Variants in SPACA7 observed in about 807,000 individuals in gnomAD.
SPACA7 encodes the protein sperm acrosome-associated protein 7.
In SPACA7, 19 loss-of-function variants were observed where a neutral mutation model predicts 26.3. The ratio of observed to expected loss-of-function variants is 0.72; its 90% CI spans 0.50 to 1.06. The LOEUF is 1.06. SPACA7 is among the 50% of genes least tolerant of loss of function. The pLI, the probability that SPACA7 is intolerant of heterozygous loss-of-function variation, is 0.00. For missense variants in SPACA7, 211 were observed against 229.9 expected (o/e 0.92, Z 0.53); for synonymous variants, 84 against 84.5 (o/e 0.99, Z 0.04).
intron 5 of SPACA7, among the ~76,000 whole-genome samples, chr13:112,430,094 C>T (rs1191515582): frequency 6.6e-6 from 1 of 151,770 alleles, no homozygotes; most frequent in East Asian, 1.9e-4. Flanking sequence ...GTCCTTTTTC[C>T]ATCCTTGAGT....
chr13:112,399,267 G>A (rs558315710), intron 4 of SPACA7, 94 bp downstream of exon 4: 7 of 751,732 alleles, frequency 9.3e-6, no homozygotes, highest in African/African-American at 1.7e-5. Flanking sequence ...CTCCTTCCTG[G>A]AGGATAAACC....
chr13:112,413,486 A>T (rs1886486421), intron 5 of SPACA7, among the ~76,000 whole-genome samples: 1 of 151,166 alleles, frequency 6.6e-6, no homozygotes. Context: ...TTATTTGATT[A>T]TTTTATCTTG....
intron 5 of SPACA7, among the ~76,000 whole-genome samples, chr13:112,414,096 C>T (rs772576659): frequency 1.4e-4 from 22 of 152,124 alleles, no homozygotes; most frequent in Non-Finnish European, 2.9e-4. Context: ...AGGCACCAAG[C>T]TGTTTATGAG....
At chr13:112,395,416 G>A (rs115353072) in intron 2 of SPACA7, among the ~76,000 whole-genome samples, 3,636 of 152,248 alleles carry the variant, frequency 0.024, 136 homozygotes, top group African/African-American at 0.082. Flanking sequence ...GTCTTACTGC[G>A]GAGCAGGCCA....
At chr13:112,406,252 T>C (rs554000948) in intron 5 of SPACA7, among the ~76,000 whole-genome samples, 1 of 152,306 alleles carries the variant, frequency 6.6e-6, no homozygotes, top group East Asian at 1.9e-4. Context: ...TAACTCCCCT[T>C]TCTGCCTCCC....
chr13:112,407,391 G>C (rs181941718), intron 5 of SPACA7, among the ~76,000 whole-genome samples: 1 of 152,110 alleles, frequency 6.6e-6, no homozygotes, highest in Admixed American at 6.5e-5. Context: ...AAGAGATGGA[G>C]ACACAAAAAA....
At chr13:112,390,717 C>T (rs187825101) in intron 1 of SPACA7, among the ~76,000 whole-genome samples, 5 of 152,310 alleles carry the variant, frequency 3.3e-5, no homozygotes, top group East Asian at 3.9e-4. Flanking sequence ...TTGTAAACAA[C>T]GAAATCTCAG....
In SPACA7 at chr13:112,397,219, G is replaced by T. The variant is rs1478370056; in HGVS notation, c.152-830G>T. On this transcript the variant is annotated intron_variant, in intron 2 of 6. Coordinates refer to ENST00000283550, the MANE Select transcript of SPACA7 (RefSeq NM_145248.5). ...ATTCTGCATGAGCTGGTCCTGGGGTGACCAGACGCCCGCTTTGCCTGGGGC... is the reference window on the plus strand; with the variant it reads ...ATTCTGCATGAGCTGGTCCTGGGGTTACCAGACGCCCGCTTTGCCTGGGGC... Among the ~76,000 whole-genome samples the T allele has an allele frequency of 2.6e-5, 4 of 152,180 alleles. No homozygotes were observed. In the East Asian group the frequency reaches 7.7e-4, roughly 29 times the overall value.
At chr13:112,427,186 G>T (rs968648477) in intron 5 of SPACA7, among the ~76,000 whole-genome samples, 4 of 152,174 alleles carry the variant, frequency 2.6e-5, no homozygotes, top group African/African-American at 7.2e-5. Flanking sequence ...CAGTCTTTGA[G>T]GGCAATGTGG....
chr13:112,389,397 T>C (rs1884732590), intron 1 of SPACA7, among the ~76,000 whole-genome samples: 1 of 152,222 alleles, frequency 6.6e-6, no homozygotes, highest in African/African-American at 2.4e-5. Flanking sequence ...CCAAGTAGAA[T>C]AAAATTATGT....
chr13:112,433,577 C>A (rs1165566846), intron 6 of SPACA7, among the ~76,000 whole-genome samples: 1 of 151,554 alleles, frequency 6.6e-6, no homozygotes, highest in African/African-American at 2.4e-5. Context: ...CCGGCCAGCT[C>A]GTCCTTTGTT....
intron 2 of SPACA7, among the ~76,000 whole-genome samples, chr13:112,393,589 G>T (rs1466871537): frequency 1.6e-4 from 25 of 152,278 alleles, no homozygotes; most frequent in African/African-American, 6.0e-4. Flanking sequence ...TGGTTTGGCT[G>T]AGCCTGGTGC....
chr13:112,411,904 T>A (rs890118817), intron 5 of SPACA7, among the ~76,000 whole-genome samples: 2 of 152,182 alleles, frequency 1.3e-5, no homozygotes, highest in African/African-American at 4.8e-5. Flanking sequence ...GCAATGGCCA[T>A]GGGAGTGTAG....
At position 112,425,221 on chromosome 13, in the gene SPACA7, A is replaced by G. The variant is rs558086954; in HGVS notation, c.446-7223A>G. On this transcript the variant is annotated intron_variant, in intron 5 of 6. Transcript: ENST00000283550. ...GCAGGGTGACATAGGCCAGGAGAACATTGCAATAGAAACAGATGTGAGTCA... is the reference window on the plus strand; with the variant it reads ...GCAGGGTGACATAGGCCAGGAGAACGTTGCAATAGAAACAGATGTGAGTCA... Among the ~76,000 whole-genome samples the G allele has an allele frequency of 2.0e-5, 3 of 152,302 alleles. No homozygotes were observed. The East Asian group carries it at 5.8e-4, about 29-fold the overall frequency.
chr13:112,377,503 G>A (rs1663491021), intron 1 of SPACA7, among the ~76,000 whole-genome samples: 1 of 152,150 alleles, frequency 6.6e-6, no homozygotes, highest in South Asian at 2.1e-4. Flanking sequence ...CCAAACAGGA[G>A]GCCAGACCTG....
At chr13:112,420,885 A>G (rs1332708161) in intron 5 of SPACA7, among the ~76,000 whole-genome samples, 2 of 152,234 alleles carry the variant, frequency 1.3e-5, no homozygotes, top group Non-Finnish European at 2.9e-5. Flanking sequence ...AGCAAACTTC[A>G]TATCAGAAAC....
intron 5 of SPACA7, among the ~76,000 whole-genome samples, chr13:112,413,284 G>A (rs113894821): frequency 2.6e-5 from 4 of 152,012 alleles, no homozygotes; most frequent in African/African-American, 9.6e-5. Flanking sequence ...GAATTCTCTC[G>A]GCTTTTGTTT....
At chr13:112,383,278 G>T (rs1039729693) in intron 1 of SPACA7, among the ~76,000 whole-genome samples, 8 of 152,092 alleles carry the variant, frequency 5.3e-5, no homozygotes, top group Admixed American at 5.2e-4. Flanking sequence ...AACTCATAAA[G>T]AATTTATAAT....
At chr13:112,383,181 GAAAGAAAGAAAGA>G (rs1390071168) in intron 1 of SPACA7, among the ~76,000 whole-genome samples, 2 of 120,760 alleles carry the variant, frequency 1.7e-5, no homozygotes. Context: ...AAGAAAGAAA[GAAAGAAAGAAAGA>G]AAAGAAAGAA....
Sources: gnomAD v4.1 joint callset for allele counts (sites outside exome capture counted in the v4.1 genomes callset) on GRCh38, gnomAD v4.1.1 for gene constraint, MANE v1.5 for transcripts, NCBI Gene and HGNC (gene_info 2026-07-23, HGNC 2026-07-21) for gene names.